The following NRXN1 variants were observed in gnomAD, a reference collection of about 807,000 sequenced individuals.
NRXN1 encodes neurexin-1.
Under a neutral mutation model 150.9 loss-of-function variants are expected in NRXN1, and 39 were observed. That is an observed-to-expected ratio of 0.26 (90% CI 0.20 to 0.34). The LOEUF is 0.34. Ranked by LOEUF, NRXN1 falls within the 10% of genes least tolerant of loss-of-function variation. The pLI is 1.00. For synonymous variants in NRXN1, 924 were observed against 757.0 expected (o/e 1.22, Z -3.62); for missense variants, 1,815 against 1,949.9 (o/e 0.93, Z 1.30).
At position 51,023,895 on chromosome 2, in the gene NRXN1, T is replaced by C. The variant is rs115091237; in HGVS notation, c.772+3607A>G. 2.3e-3 allele frequency among the ~76,000 whole-genome samples: 349 copies of C among 152,272 alleles called. 2 individuals carry two copies. The highest frequency in any genetic ancestry group is 5.6e-3 in the South Asian group (27 of 4,830). ...ATCATACTGACATGTTCAGTGACATTAAACAATCAGGAAGCATAAGCCATA... is the reference window on the plus strand; with the variant it reads ...ATCATACTGACATGTTCAGTGACATCAAACAATCAGGAAGCATAAGCCATA... On this transcript the variant is annotated intron_variant, in intron 2 of 22. Transcript: ENST00000401669.
chr2:50,679,589 A>C (rs998220911), intron 5 of NRXN1, among the ~76,000 whole-genome samples: 1 of 152,156 alleles, frequency 6.6e-6, no homozygotes, highest in African/African-American at 2.4e-5. Context: ...ATTGACATGG[A>C]TCATTGATGA....
intron 5 of NRXN1, among the ~76,000 whole-genome samples, chr2:50,780,771 T>C (rs1704253632): frequency 6.6e-6 from 1 of 152,178 alleles, no homozygotes; most frequent in Non-Finnish European, 1.5e-5. Context: ...CACTTTTTTA[T>C]ATGATATGAA....
intron 17 of NRXN1, among the ~76,000 whole-genome samples, chr2:50,244,633 G>A (rs1018369547): frequency 1.3e-5 from 2 of 151,800 alleles, no homozygotes; most frequent in Non-Finnish European, 2.9e-5. Context: ...GTTCATTAAA[G>A]GTAAATATTA....
chr2:50,785,204 G>A (rs1019888065), intron 5 of NRXN1, among the ~76,000 whole-genome samples: 19 of 150,542 alleles, frequency 1.3e-4, no homozygotes, highest in African/African-American at 4.4e-4. Context: ...CTGGTACCTC[G>A]ATCGTGGATT....
At chr2:50,408,837 ATCTCTCTC>A (rs10522429) in intron 17 of NRXN1, among the ~76,000 whole-genome samples, 189 of 136,648 alleles carry the variant, frequency 1.4e-3, no homozygotes, top group African/African-American at 3.7e-3. Context: ...ATCAATCTCA[ATCTCTCTC>A]TCTCTCTCTC....
chr2:50,733,892 T>A (rs1698408267), intron 5 of NRXN1, among the ~76,000 whole-genome samples: 1 of 152,282 alleles, frequency 6.6e-6, no homozygotes, highest in African/African-American at 2.4e-5. Flanking sequence ...ACCTAAAAAC[T>A]CTATTTTTTT....
At chr2:50,540,542 G>C (rs946643856) in intron 9 of NRXN1, among the ~76,000 whole-genome samples, 1 of 152,154 alleles carries the variant, frequency 6.6e-6, no homozygotes, top group African/African-American at 2.4e-5. Context: ...AGTAGCTAAT[G>C]AAAGTTAGAA....
intron 17 of NRXN1, among the ~76,000 whole-genome samples, chr2:50,330,887 A>C (rs1359517484): frequency 1.3e-5 from 2 of 152,210 alleles, no homozygotes; most frequent in Non-Finnish European, 2.9e-5. Flanking sequence ...AGAGCTGGAC[A>C]TTTAATATTC....
intron 17 of NRXN1, among the ~76,000 whole-genome samples, chr2:50,433,908 C>T (rs1170912522): frequency 1.3e-5 from 2 of 152,052 alleles, no homozygotes; most frequent in Non-Finnish European, 2.9e-5. Context: ...CCACAAAACT[C>T]CTGCTAATTG....
intron 18 of NRXN1, among the ~76,000 whole-genome samples, chr2:50,173,402 G>A (rs976842853): frequency 1.3e-5 from 2 of 152,156 alleles, no homozygotes; most frequent in African/African-American, 4.8e-5. Context: ...GCTTTTCAGT[G>A]AATCATCAGA....
rs919122903 is a variant in NRXN1 at position 50,544,850 on chromosome 2, A to C, written c.1760-6214T>G. 7.9e-5 allele frequency among the ~76,000 whole-genome samples: 12 copies of C among 152,276 alleles called. No individual in the cohort carries two copies. In the East Asian group the frequency reaches 2.3e-3, roughly 29 times the overall value. ...GAAGGTTTAAAAAAGTAAAAATTCA[A>C]ATGTTCTTCCATAGAGAAATGCCTA... On this transcript the variant is annotated intron_variant, in intron 9 of 22. Transcript: ENST00000401669.
chr2:50,007,732 C>T (rs1021733978), intron 21 of NRXN1, among the ~76,000 whole-genome samples: 3 of 150,614 alleles, frequency 2.0e-5, no homozygotes, highest in African/African-American at 7.5e-5. Flanking sequence ...ATTTATAATC[C>T]TTTGGGTAAA....
intron 17 of NRXN1, among the ~76,000 whole-genome samples, chr2:50,359,810 T>C (rs2153008791): frequency 6.6e-6 from 1 of 152,072 alleles, no homozygotes; most frequent in East Asian, 1.9e-4. Flanking sequence ...AATCATCAGA[T>C]TCACCAAGGT....
chr2:50,884,891 C>T (rs536748220), intron 5 of NRXN1, among the ~76,000 whole-genome samples: 3 of 151,178 alleles, frequency 2.0e-5, no homozygotes, highest in East Asian at 1.9e-4. Context: ...GGGGAGGGAG[C>T]GAAAATTCTG....
chr2:50,320,313 T>A (rs1313913516), intron 17 of NRXN1, among the ~76,000 whole-genome samples: 1 of 129,260 alleles, frequency 7.7e-6, no homozygotes, highest in Non-Finnish European at 1.7e-5. Flanking sequence ...TATATATATA[T>A]ATATATATAT....
intron 16 of NRXN1, among the ~76,000 whole-genome samples, chr2:50,471,906 TTTTAAAAAATGGG>T (rs1261633174): frequency 1.3e-5 from 2 of 151,750 alleles, no homozygotes; most frequent in Non-Finnish European, 2.9e-5. Context: ...GAATGTAGAT[TTTTAAAAAATGGG>T]CACAAGTTGA....
intron 17 of NRXN1, among the ~76,000 whole-genome samples, chr2:50,313,277 C>A (rs934396427): frequency 2.0e-5 from 3 of 152,086 alleles, no homozygotes; most frequent in African/African-American, 7.2e-5. Context: ...CCCTAGTTCC[C>A]ACCCTAAGCT....
chr2:49,964,330 A>C (rs753738218), intron 21 of NRXN1, among the ~76,000 whole-genome samples: 1 of 152,218 alleles, frequency 6.6e-6, no homozygotes, highest in Non-Finnish European at 1.5e-5. Context: ...CTGTAATCCC[A>C]GCACTTTGGG....
chr2:50,269,147 T>C (rs770158245), intron 17 of NRXN1, among the ~76,000 whole-genome samples: 3 of 152,174 alleles, frequency 2.0e-5, no homozygotes, highest in Non-Finnish European at 4.4e-5. Flanking sequence ...ACAACTAATA[T>C]TGTGCAAGAA....
Sources: gnomAD v4.1 joint callset for allele counts (sites outside exome capture counted in the v4.1 genomes callset) on GRCh38, gnomAD v4.1.1 for gene constraint, MANE v1.5 for transcripts, NCBI Gene and HGNC (gene_info 2026-07-23, HGNC 2026-07-21) for gene names.